Variants in NBAS observed in about 807,000 individuals in gnomAD.
NBAS encodes the protein NAG/BC035112 fusion.
A neutral mutation model predicts 302.5 loss-of-function variants in NBAS; 219 were observed. The observed-to-expected ratio is 0.72, with a 90% CI of 0.65 to 0.81. The LOEUF (loss-of-function observed/expected upper bound fraction) is 0.81, where lower values mean the gene tolerates loss of function less well. Among genes scored for constraint, NBAS ranks in the 30% least tolerant of loss-of-function variants. The pLI is 0.00. For missense variants in NBAS, 2,932 were observed against 2,841.6 expected, an observed-to-expected ratio of 1.03 and a Z score of -0.72; for synonymous variants, 1,118 against 1,021.6, an observed-to-expected ratio of 1.09 and a Z score of -1.80.
chr2:14,865,639 G>A, the NBAS span, among the ~76,000 whole-genome samples: 1 of 152,038 alleles, frequency 6.6e-6, no homozygotes, highest in African/African-American at 2.4e-5. Flanking sequence ...ATCTAATATT[G>A]TTTTGTTTTG....
the NBAS span, among the ~76,000 whole-genome samples, chr2:14,996,410 G>A: frequency 6.6e-6 from 1 of 152,142 alleles, no homozygotes; most frequent in Non-Finnish European, 1.5e-5. Context: ...ATGAGTGGTG[G>A]AGTCCCAGTT....
intron 21 of NBAS, among the ~76,000 whole-genome samples, chr2:15,443,992 T>C (rs369348491): frequency 6.6e-6 from 1 of 151,170 alleles, no homozygotes; most frequent in East Asian, 2.0e-4. Context: ...CACTGCTCAA[T>C]GAAATAAAAG....
chr2:15,190,407 GAAGAAGA>G lies in NBAS; in HGVS notation c.6433-11_6433-5del. ...TCTCAATGTCAGCTATGTCTACCTG[GAAGAAGA>G]AATACACACTTAAAGCTGGTGGCAA... On this transcript the variant is annotated splice_polypyrimidine_tract_variant and splice_region_variant and intron_variant, in intron 48 of 51. Coordinates refer to ENST00000281513, the MANE Select transcript of NBAS (RefSeq NM_015909.4). 6.2e-7 allele frequency: 1 copy of G among 1,613,784 alleles called. No homozygotes were observed.
the NBAS span, among the ~76,000 whole-genome samples, chr2:14,952,842 C>A: frequency 6.6e-6 from 1 of 152,180 alleles, no homozygotes; most frequent in African/African-American, 2.4e-5. Flanking sequence ...AGCAATGAAT[C>A]CCTGCTCTAA....
At chr2:14,953,528 TA>T in the NBAS span, among the ~76,000 whole-genome samples, 1 of 152,332 alleles carries the variant, frequency 6.6e-6, no homozygotes, top group East Asian at 1.9e-4. Context: ...GAGGATCCCC[TA>T]GCCCCATGGA....
At chr2:14,961,328 A>G in the NBAS span, among the ~76,000 whole-genome samples, 2 of 152,160 alleles carry the variant, frequency 1.3e-5, no homozygotes, top group Admixed American at 6.5e-5. Flanking sequence ...GCCTAGTAGG[A>G]GGTGTCTGGG....
chr2:15,087,973 G>A, the NBAS span, among the ~76,000 whole-genome samples: 1 of 152,242 alleles, frequency 6.6e-6, no homozygotes, highest in Non-Finnish European at 1.5e-5. Flanking sequence ...AGAACAGGCA[G>A]CATGGGCCAG....
the NBAS span, among the ~76,000 whole-genome samples, chr2:14,790,649 CTTT>C: frequency 1.1e-4 from 14 of 124,392 alleles, no homozygotes; most frequent in South Asian, 1.5e-3. Context: ...GAATTCATGC[CTTT>C]TTTTTTTTTT....
intron 9 of NBAS, among the ~76,000 whole-genome samples, chr2:15,533,808 C>A: frequency 6.6e-6 from 1 of 151,848 alleles, no homozygotes; most frequent in Admixed American, 6.6e-5. Flanking sequence ...AACCTGCATA[C>A]ATTTCCAAGG....
intron 12 of NBAS, among the ~76,000 whole-genome samples, chr2:15,481,602 C>T (rs1680429814): frequency 6.7e-6 from 1 of 149,638 alleles, no homozygotes. Flanking sequence ...CAAAGTATAA[C>T]AGCATTGCAT....
At chr2:14,826,993 T>C in the NBAS span, among the ~76,000 whole-genome samples, 5 of 152,300 alleles carry the variant, frequency 3.3e-5, no homozygotes, top group East Asian at 5.8e-4. Flanking sequence ...TCATTTTCTA[T>C]AGGTTAAAGG....
intron 48 of NBAS, among the ~76,000 whole-genome samples, chr2:15,190,659 C>T (rs1262013760): frequency 6.6e-6 from 1 of 152,130 alleles, no homozygotes; most frequent in Admixed American, 6.5e-5. Context: ...CAGACTTCCA[C>T]AGAACTGGCT....
chr2:15,453,881 C>T (rs1311761624), intron 21 of NBAS, among the ~76,000 whole-genome samples: 1 of 151,970 alleles, frequency 6.6e-6, no homozygotes, highest in African/African-American at 2.4e-5. Context: ...TGGGGTCAAG[C>T]GATTCTCCTG....
chr2:15,541,322 C>T (rs932099151), intron 6 of NBAS, among the ~76,000 whole-genome samples: 2 of 152,110 alleles, frequency 1.3e-5, no homozygotes, highest in African/African-American at 4.8e-5. Flanking sequence ...ACGAGTGACA[C>T]CTATGTCTCT....
the NBAS span, among the ~76,000 whole-genome samples, chr2:14,828,504 G>C: frequency 2.0e-5 from 3 of 152,148 alleles, no homozygotes; most frequent in Admixed American, 6.5e-5. Flanking sequence ...CCACATGAGA[G>C]GAATCTAGAT....
chr2:15,069,898 G>A, the NBAS span, among the ~76,000 whole-genome samples: 1 of 152,114 alleles, frequency 6.6e-6, no homozygotes, highest in South Asian at 2.1e-4. Context: ...TTGGGAATTG[G>A]AGTTATCTAG....
chr2:14,895,342 A>G, the NBAS span, among the ~76,000 whole-genome samples: 1 of 152,240 alleles, frequency 6.6e-6, no homozygotes, highest in African/African-American at 2.4e-5. Context: ...AAACCTAGAA[A>G]AAAAACTCTT....
chr2:15,519,490 G>GGCA (rs1470558022), intron 9 of NBAS, among the ~76,000 whole-genome samples: 7 of 131,610 alleles, frequency 5.3e-5, no homozygotes, highest in Admixed American at 3.9e-4. Context: ...AAGCTGGAGT[G>GGCA]CAATGGTGGC....
At chr2:15,325,436 G>A (rs575260332) in intron 38 of NBAS, among the ~76,000 whole-genome samples, 31 of 152,158 alleles carry the variant, frequency 2.0e-4, no homozygotes, top group African/African-American at 7.5e-4. Flanking sequence ...TCTTTTTGCA[G>A]GTGAAGGGTC....
Sources: allele counts gnomAD v4.1 joint callset (sites outside exome capture counted in the v4.1 genomes callset), GRCh38; gene constraint gnomAD v4.1.1; transcripts MANE v1.5; gene names NCBI Gene and HGNC (gene_info 2026-07-23, HGNC 2026-07-21).